Variants in CALD1 observed in about 807,000 individuals in gnomAD.
The protein encoded by CALD1 is caldesmon.
A neutral mutation model predicts 99.9 loss-of-function variants in CALD1; 33 were observed. That is an observed-to-expected ratio of 0.33 (90% confidence interval 0.25 to 0.44). The LOEUF is 0.44. Among genes scored for constraint, CALD1 ranks in the 20% least tolerant of loss-of-function variants. CALD1 has a pLI of 1.00. For synonymous variants in CALD1, 310 were observed against 325.0 expected, an observed-to-expected ratio of 0.95 and a Z score of 0.50; for missense variants, 861 against 962.1, an observed-to-expected ratio of 0.89 and a Z score of 1.39.
At chr7:134,966,596 T>A (rs1157606166) in intron 14 of CALD1, among the ~76,000 whole-genome samples, 1 of 152,186 alleles carries the variant, frequency 6.6e-6, no homozygotes, top group African/African-American at 2.4e-5. Flanking sequence ...TGAAGTAACT[T>A]TCCCAAAGTC....
chr7:134,768,287 T>G (rs753972159), intron 1 of CALD1, among the ~76,000 whole-genome samples: 1 of 152,176 alleles, frequency 6.6e-6, no homozygotes, highest in Non-Finnish European at 1.5e-5. Flanking sequence ...GTGCCCTTCT[T>G]CTTCCACCTG....
Position 134,947,582 on chromosome 7 carries a change from T to G in CALD1, c.1607T>G (p.Leu536Arg). 1 of 1,561,686 alleles carries G rather than the reference T, an allele frequency of 6.4e-7. No homozygotes were observed. Among genetic ancestry groups the G allele is most frequent in the Non-Finnish European group, 8.7e-7 (1 of 1,152,616 alleles). ...GAPQVEAGKR[L>R]EELRRRRGET... ...CCCCAGGTGGAAGCCGGCAAAAGGCTGGAGGAGCTTCGTCGTCGTCGCGGG... is the reference window on the plus strand; with the variant it reads ...CCCCAGGTGGAAGCCGGCAAAAGGCGGGAGGAGCTTCGTCGTCGTCGCGGG... Residue 536 changes from leucine to arginine, a missense_variant, in exon 8 of 15, where the codon CTG becomes CGG. Physicochemically the swap from Leu to Arg is moderately radical, Grantham distance 102. Coordinates refer to ENST00000361675, the MANE Select transcript of CALD1 (RefSeq NM_033138.4).
At position 134,878,385 on chromosome 7, in the gene CALD1, ATGG is replaced by A. The variant is rs1426323554; in HGVS notation, c.71+10584_71+10586del. 2.6e-5 allele frequency among the ~76,000 whole-genome samples: 4 copies of A among 152,156 alleles called. No homozygotes were observed. The East Asian group carries it at 7.7e-4, about 29-fold the overall frequency. The stretch of plus-strand genomic sequence containing the variant: ...GGAGTTTTAGACTAGCTTGGCCAAC[ATGG>A]TGAAACCTCTTCTCTACTAAAAATA... On this transcript the variant is annotated intron_variant, in intron 3 of 14. Coordinates refer to ENST00000361675, the MANE Select transcript of CALD1 (RefSeq NM_033138.4).
intron 3 of CALD1, among the ~76,000 whole-genome samples, chr7:134,916,536 G>C (rs1804216852): frequency 6.6e-6 from 1 of 152,210 alleles, no homozygotes; most frequent in Non-Finnish European, 1.5e-5. Context: ...ACATTAAGCA[G>C]AGCCTGTCTA....
chr7:134,858,638 C>T (rs1000981871), intron 2 of CALD1, among the ~76,000 whole-genome samples: 2 of 151,958 alleles, frequency 1.3e-5, no homozygotes, highest in African/African-American at 4.8e-5. Context: ...GGCATGATCT[C>T]GGCTCACTGC....
In CALD1 at chr7:134,894,087, C is replaced by T. The variant is rs78446325; in HGVS notation, c.71+26283C>T. 6.4e-3 allele frequency among the ~76,000 whole-genome samples: 967 copies of T among 152,242 alleles called. 13 individuals are homozygous for T. Among genetic ancestry groups the T allele is most frequent in the African/African-American group, 0.022 (921 of 41,550 alleles). On this transcript the variant is annotated intron_variant, in intron 3 of 14. Coordinates refer to ENST00000361675, the MANE Select transcript of CALD1 (RefSeq NM_033138.4). ...GACTGCACCTATAAAGATAAGCTGT[C>T]CATTTGCATTGCCATGGTGAAGTTT... is the stretch of plus-strand genomic sequence containing the variant.
intron 13 of CALD1, 109 bp downstream of exon 13, chr7:134,960,737 T>C: frequency 1.5e-6 from 1 of 663,204 alleles, no homozygotes; most frequent in South Asian, 1.8e-5. Context: ...CCCTGTTCTT[T>C]GCTTTCCCTG....
chr7:134,803,431 T>C (rs1462036118), intron 1 of CALD1, among the ~76,000 whole-genome samples: 1 of 152,162 alleles, frequency 6.6e-6, no homozygotes, highest in Non-Finnish European at 1.5e-5. Flanking sequence ...GTTCTTTTTC[T>C]TTTCTCTTTA....
chr7:134,874,893 G>C (rs1801276188), intron 3 of CALD1, among the ~76,000 whole-genome samples: 1 of 152,078 alleles, frequency 6.6e-6, no homozygotes, highest in South Asian at 2.1e-4. Context: ...TTTTTTACAT[G>C]ATTTAATAGA....
At chr7:134,925,544 A>C (rs1804939920) in intron 3 of CALD1, among the ~76,000 whole-genome samples, 1 of 152,188 alleles carries the variant, frequency 6.6e-6, no homozygotes, top group Non-Finnish European at 1.5e-5. Context: ...GAAACTTACA[A>C]TCATGGAGGA....
chr7:134,750,511 G>A (rs1291024987), intron 1 of CALD1, among the ~76,000 whole-genome samples: 1 of 152,116 alleles, frequency 6.6e-6, no homozygotes, highest in East Asian at 1.9e-4. Context: ...TCTTTTGGGA[G>A]AACCATACCT....
chr7:134,867,994 C>A, intron 3 of CALD1, 190 bp downstream of exon 3: 1 of 401,072 alleles, frequency 2.5e-6, no homozygotes, highest in Non-Finnish European at 4.6e-6. Flanking sequence ...AAACAAGAAT[C>A]AAGAAAAAGA....
chr7:134,830,194 C>T (rs918942004), intron 1 of CALD1, among the ~76,000 whole-genome samples: 1 of 152,168 alleles, frequency 6.6e-6, no homozygotes, highest in Non-Finnish European at 1.5e-5. Context: ...ATTAAATCCA[C>T]TGTTGATATT....
At chr7:134,737,939 A>G in the CALD1 span, among the ~76,000 whole-genome samples, 1 of 152,232 alleles carries the variant, frequency 6.6e-6, no homozygotes, top group Non-Finnish European at 1.5e-5. Context: ...ATTCGTATGT[A>G]GAGTAGGTCC....
chr7:134,787,767 A>G (rs1017851370), intron 1 of CALD1, among the ~76,000 whole-genome samples: 1 of 152,206 alleles, frequency 6.6e-6, no homozygotes, highest in African/African-American at 2.4e-5. Context: ...CCATATTCAG[A>G]GCACTGAGTA....
At chr7:134,750,236 C>T (rs149206148) in intron 1 of CALD1, among the ~76,000 whole-genome samples, 13 of 145,760 alleles carry the variant, frequency 8.9e-5, no homozygotes, top group African/African-American at 3.1e-4. Flanking sequence ...AACCCCTGTC[C>T]CTTCCTCCAT....
At chr7:134,808,669 A>G (rs1798243498) in intron 1 of CALD1, among the ~76,000 whole-genome samples, 1 of 152,168 alleles carries the variant, frequency 6.6e-6, no homozygotes, top group Non-Finnish European at 1.5e-5. Flanking sequence ...ATCCAATCAC[A>G]TATATTGAAC....
At chr7:134,815,407 A>C (rs1260587671) in intron 1 of CALD1, among the ~76,000 whole-genome samples, 1 of 152,190 alleles carries the variant, frequency 6.6e-6, no homozygotes, top group Non-Finnish European at 1.5e-5. Flanking sequence ...GGGACTTCCC[A>C]GTCCCAGTGC....
rs957943141 is a variant in CALD1 at position 134,965,066 on chromosome 7, A to G, written c.2296-240A>G. ...AGTAGATGGAGGTCGCAGTGAGCCA[A>G]GATCACGCCACTACACTCCAGCTTG... On this transcript the variant is annotated intron_variant, in intron 13 of 14. Coordinates refer to ENST00000361675, the MANE Select transcript of CALD1 (RefSeq NM_033138.4). 5 of 373,120 alleles carry G rather than the reference A, an allele frequency of 1.3e-5. No individual in the cohort carries two copies. The East Asian group carries it at 2.9e-4, about 21-fold the overall frequency. 23.1% of individuals were successfully genotyped at this position (373,120 alleles called of 1,614,324 possible). A position where few individuals can be genotyped will look rare whatever the true frequency, so the allele number is the denominator to read the frequency against.
Sources: gnomAD v4.1 joint callset for allele counts (sites outside exome capture counted in the v4.1 genomes callset) on GRCh38, gnomAD v4.1.1 for gene constraint, MANE v1.5 for transcripts, NCBI Gene and HGNC (gene_info 2026-07-23, HGNC 2026-07-21) for gene names.